Variants in OPCML observed in about 807,000 individuals in gnomAD.
OPCML encodes opioid-binding protein/cell adhesion molecule.
In OPCML, 13 loss-of-function variants were observed where a neutral mutation model predicts 37.8. That is an observed-to-expected ratio of 0.34 (90% CI 0.22 to 0.55). The LOEUF (loss-of-function observed/expected upper bound fraction) is 0.55. Ranked by LOEUF, OPCML falls within the 20% of genes least tolerant of loss-of-function variation. OPCML has a pLI of 0.91. For synonymous variants in OPCML, 176 were observed against 168.8 expected (o/e 1.04, Z -0.33); for missense variants, 341 against 435.6 (o/e 0.78, Z 1.93).
At chr11:133,483,717 TAGATA>T (rs1299123378) in intron 1 of OPCML, among the ~76,000 whole-genome samples, 55 of 143,988 alleles carry the variant, frequency 3.8e-4, no homozygotes, top group Middle Eastern at 6.8e-3. Flanking sequence ...GATAGATAGA[TAGATA>T]AAATAGGCAG....
intron 1 of OPCML, among the ~76,000 whole-genome samples, chr11:132,976,623 C>T (rs1946470857): frequency 6.6e-6 from 1 of 152,140 alleles, no homozygotes. Flanking sequence ...TGATTTAATG[C>T]AGCTGCTAGA....
At chr11:133,346,184 T>C (rs1565584306) in intron 1 of OPCML, among the ~76,000 whole-genome samples, 1 of 152,192 alleles carries the variant, frequency 6.6e-6, no homozygotes, top group Non-Finnish European at 1.5e-5. Flanking sequence ...TCCCCTTCAC[T>C]ATAATGGACT....
At chr11:133,070,446 C>G (rs901686319) in intron 1 of OPCML, among the ~76,000 whole-genome samples, 2 of 152,112 alleles carry the variant, frequency 1.3e-5, no homozygotes, top group Admixed American at 6.5e-5. Context: ...TACCCAGCAT[C>G]GCCTGGGAGA....
intron 1 of OPCML, among the ~76,000 whole-genome samples, chr11:133,452,930 G>A (rs1430009870): frequency 1.3e-5 from 2 of 148,322 alleles, no homozygotes; most frequent in Non-Finnish European, 2.9e-5. Flanking sequence ...AAAGTAGCCA[G>A]GAAATCTTAA....
intron 2 of OPCML, among the ~76,000 whole-genome samples, chr11:132,931,876 T>C (rs1945215133): frequency 1.3e-5 from 2 of 152,152 alleles, no homozygotes; most frequent in South Asian, 2.1e-4. Flanking sequence ...AATCCAAGCA[T>C]CAATCAAAGG....
chr11:133,317,991 G>A (rs1943244793), intron 1 of OPCML, among the ~76,000 whole-genome samples: 3 of 152,190 alleles, frequency 2.0e-5, no homozygotes, highest in African/African-American at 4.8e-5. Context: ...CTAGGAGGTA[G>A]ATCGAATGAT....
chr11:133,501,257 A>G (rs1439726996), intron 1 of OPCML, among the ~76,000 whole-genome samples: 2 of 152,138 alleles, frequency 1.3e-5, no homozygotes, highest in Non-Finnish European at 2.9e-5. Flanking sequence ...TCCAGGGATG[A>G]CGTTCCCCTT....
chr11:132,768,437 A>G (rs1472867949), intron 2 of OPCML, among the ~76,000 whole-genome samples: 3 of 152,140 alleles, frequency 2.0e-5, no homozygotes, highest in Non-Finnish European at 2.9e-5. Flanking sequence ...CCAAAATATG[A>G]GCTCAGTTAA....
At chr11:132,631,558 C>T (rs1193802393) in intron 3 of OPCML, among the ~76,000 whole-genome samples, 1 of 151,048 alleles carries the variant, frequency 6.6e-6, no homozygotes, top group Non-Finnish European at 1.5e-5. Flanking sequence ...CTCCCGGGTT[C>T]ACGCCATTCG....
At chr11:133,077,278 A>T (rs1367091057) in intron 1 of OPCML, among the ~76,000 whole-genome samples, 1 of 151,838 alleles carries the variant, frequency 6.6e-6, no homozygotes, top group African/African-American at 2.4e-5. Context: ...TTGCCCCGTG[A>T]CTTGGAGCTC....
intron 3 of OPCML, among the ~76,000 whole-genome samples, chr11:132,559,429 T>A (rs987536883): frequency 4.6e-5 from 7 of 152,252 alleles, no homozygotes; most frequent in African/African-American, 1.7e-4. Flanking sequence ...TTTAAGGAAG[T>A]GTTTAAGAGC....
chr11:132,602,128 G>A (rs569789327), intron 3 of OPCML, among the ~76,000 whole-genome samples: 8 of 152,154 alleles, frequency 5.3e-5, no homozygotes, highest in South Asian at 2.1e-4. Flanking sequence ...GACACACATC[G>A]CAGCAGAGCC....
At chr11:133,507,184 C>T (rs1027539219) in intron 1 of OPCML, among the ~76,000 whole-genome samples, 11 of 152,170 alleles carry the variant, frequency 7.2e-5, no homozygotes, top group Non-Finnish European at 1.5e-4. Context: ...TGGGCTAAGT[C>T]TTCGTGAAGA....
intron 1 of OPCML, among the ~76,000 whole-genome samples, chr11:133,158,877 C>T (rs548803530): frequency 2.8e-4 from 43 of 152,012 alleles, no homozygotes; most frequent in Non-Finnish European, 5.0e-4. Flanking sequence ...GGGGGCCATT[C>T]GTACCACCAG....
rs1336454310 is a variant in OPCML, at chr11:133,141,098, A to AAGAAGAAGAAGAAGG, written c.62-198089_62-198088insCCTTCTTCTTCTTCT. Among the ~76,000 whole-genome samples, 3 of 143,386 alleles carry AAGAAGAAGAAGAAGG rather than the reference A, an allele frequency of 2.1e-5. 1 individual carries two copies. Among genetic ancestry groups the AAGAAGAAGAAGAAGG allele is most frequent in the African/African-American group, 7.6e-5 (3 of 39,494 alleles). 94.1% of individuals were successfully genotyped at this position (143,386 alleles called of 152,430 possible). A position where few individuals can be genotyped will look rare whatever the true frequency, so the allele number is the denominator to read the frequency against. On this transcript the variant is annotated intron_variant, in intron 1 of 7. Transcript: ENST00000524381. ...GAAGAAGAAGAAGAAGAAGAAGGAGAAGAAGAAGCAGCTGAATGCCAAAGT... is the reference window on the plus strand; with the variant it reads ...GAAGAAGAAGAAGAAGAAGAAGGAGAAGAAGAAGAAGAAGGAGAAGAAGCAGCTGAATGCCAAAGT...
intron 1 of OPCML, among the ~76,000 whole-genome samples, chr11:133,459,810 A>C (rs1555162401): frequency 4.6e-5 from 7 of 152,062 alleles, no homozygotes; most frequent in Non-Finnish European, 1.0e-4. Context: ...AATGGATAGA[A>C]CAACCAGACA....
At chr11:133,378,317 G>A (rs543485173) in intron 1 of OPCML, among the ~76,000 whole-genome samples, 2 of 152,272 alleles carry the variant, frequency 1.3e-5, no homozygotes, top group East Asian at 1.9e-4. Context: ...AGGAAGCAGT[G>A]AAATTACCAC....
chr11:133,347,554 A>G (rs1264518468), intron 1 of OPCML, among the ~76,000 whole-genome samples: 2 of 152,212 alleles, frequency 1.3e-5, no homozygotes, highest in African/African-American at 2.4e-5. Flanking sequence ...GGAATTTACT[A>G]TCCACTGAGA....
chr11:133,095,275 A>AT lies in OPCML; in HGVS notation c.62-152266dup, dbSNP rs1214349245. Among the ~76,000 whole-genome samples, 100 of 97,718 alleles carry AT rather than the reference A, an allele frequency of 1.0e-3. 2 individuals are homozygous for AT. The highest frequency in any genetic ancestry group is 4.2e-3 in the African/African-American group (83 of 19,588). The allele number at this position is 97,718 out of a possible 152,430, so 64.1% of individuals were successfully genotyped here. ...TGAGACTAAGATGATTTTAATGTAA[A>AT]TGTTTTTTTTTTTTTTTTTTTTTTT... On this transcript the variant is annotated intron_variant, in intron 1 of 7. Coordinates refer to ENST00000524381, the MANE Select transcript of OPCML (RefSeq NM_001012393.5).
Sources: allele counts gnomAD v4.1 joint callset (sites outside exome capture counted in the v4.1 genomes callset), GRCh38; gene constraint gnomAD v4.1.1; transcripts MANE v1.5; gene names NCBI Gene and HGNC (gene_info 2026-07-23, HGNC 2026-07-21).